KIRREL1: variants seen among roughly 807,000 people sequenced by gnomAD.
KIRREL1 encodes the protein kirre like nephrin family adhesion molecule 1.
KIRREL1 carries 25 observed loss-of-function variants against 83.3 expected under a neutral mutation model. The observed-to-expected ratio is 0.30, with a 90% CI of 0.22 to 0.42. The LOEUF is 0.42. Ranked by LOEUF, KIRREL1 falls within the 10% of genes least tolerant of loss-of-function variation. The probability of loss-of-function intolerance (pLI) is 1.00; values close to 1 mark genes in which losing one functional copy is unlikely to be tolerated. For synonymous variants in KIRREL1, 388 were observed against 410.4 expected, an observed-to-expected ratio of 0.95 and a Z score of 0.66; for missense variants, 812 against 1,032.3, an observed-to-expected ratio of 0.79 and a Z score of 2.92.
chr1:158,076,283 C>T (rs770502338), intron 2 of KIRREL1, 21 bp downstream of exon 2: 10 of 1,611,180 alleles, frequency 6.2e-6, no homozygotes, highest in South Asian at 5.5e-5. Context: ...GGCTACCCAA[C>T]GTCCAAACTG....
intron 1 of KIRREL1, among the ~76,000 whole-genome samples, chr1:158,017,856 G>A: frequency 6.8e-6 from 1 of 146,462 alleles, no homozygotes; most frequent in Non-Finnish European, 1.5e-5. Flanking sequence ...GAAGACAAAA[G>A]ATCCTTCAGA....
In KIRREL1 at chr1:158,089,527, T is replaced by C; in HGVS notation, c.1070T>C (p.Leu357Pro). Residue 357 changes from leucine to proline, a missense_variant, in exon 9 of 15, where the codon CTG becomes CCG. By Grantham distance (98) the Leu-to-Pro change is moderately conservative. Around this residue, in one of 3 missense-constraint regions of KIRREL1, gnomAD observed 472 missense variants for 626.8 expected, o/e 0.75. Coordinates refer to ENST00000359209, the MANE Select transcript of KIRREL1 (RefSeq NM_018240.7). The part of the protein sequence containing the change: ...NMVLSNSNQL[L>P]LKSVTQADAG... ...GTCCTGAGTAACAGCAACCAGCTGC[T>C]GCTGAAGTCGGTGACTCAGGCAGAC... 1 of 1,614,192 alleles carries C rather than the reference T, an allele frequency of 6.2e-7. No individual in the cohort carries two copies. The highest frequency in any genetic ancestry group is 1.1e-5 in the South Asian group (1 of 91,084).
chr1:158,009,021 A>G (rs1428965565), intron 1 of KIRREL1, among the ~76,000 whole-genome samples: 4 of 152,096 alleles, frequency 2.6e-5, no homozygotes, highest in African/African-American at 9.7e-5. Context: ...CATCCCAGAG[A>G]TAAACAGAAA....
intron 1 of KIRREL1, among the ~76,000 whole-genome samples, chr1:157,997,386 T>A (rs1307345198): frequency 6.6e-6 from 1 of 152,186 alleles, no homozygotes; most frequent in Admixed American, 6.5e-5. Flanking sequence ...ATGCTTGCTA[T>A]CTTGGCTTTG....
chr1:158,093,659 A>C lies in KIRREL1; in HGVS notation c.1616A>C (p.Lys539Thr). 1.9e-6 allele frequency: 3 copies of C among 1,614,192 alleles called. No individual in the cohort carries two copies. Among genetic ancestry groups the C allele is most frequent in the Non-Finnish European group, 2.5e-6 (3 of 1,180,028 alleles). The part of the protein sequence containing the change: ...KDVTLRKLDI[K>T]VETVNREPLT... ...GTGACCCTGAGGAAGCTGGATATCA[A>C]GGTGGAGACAGTGAACCGAGAGCCA... is the stretch of plus-strand genomic sequence containing the variant. Residue 539 changes from lysine to threonine, a missense_variant, in exon 13 of 15, where the codon AAG (lysine) becomes ACG (threonine). Transcript: ENST00000359209.
chr1:158,084,405 TCTG>T lies in KIRREL1; in HGVS notation c.353-14_353-12del. 1 of 1,545,270 alleles carries T rather than the reference TCTG, an allele frequency of 6.5e-7. No individual in the cohort carries two copies. The highest frequency in any genetic ancestry group is 8.7e-7 in the Non-Finnish European group (1 of 1,142,950). ...TAGCCACACCCTGCACTGACTTTGCTCTGCTTTCTCCCACAGTCCCCCCAGAGG... is the reference window on the plus strand; with the variant it reads ...TAGCCACACCCTGCACTGACTTTGCTCTTTCTCCCACAGTCCCCCCAGAGG... On this transcript the variant is annotated splice_polypyrimidine_tract_variant and intron_variant, in intron 3 of 14. Transcript: ENST00000359209.
intron 1 of KIRREL1, among the ~76,000 whole-genome samples, chr1:158,043,275 G>T (rs910324044): frequency 6.6e-6 from 1 of 152,120 alleles, no homozygotes; most frequent in Admixed American, 6.5e-5. Context: ...ACTGAAAATG[G>T]TGACATAGGC....
At chr1:158,008,563 A>G (rs1659585125) in intron 1 of KIRREL1, among the ~76,000 whole-genome samples, 1 of 152,120 alleles carries the variant, frequency 6.6e-6, no homozygotes, top group Admixed American at 6.5e-5. Context: ...CCATCACAAC[A>G]GGACCTGGAC....
intron 1 of KIRREL1, among the ~76,000 whole-genome samples, chr1:158,005,607 G>T (rs2101627610): frequency 6.6e-6 from 1 of 151,906 alleles, no homozygotes; most frequent in South Asian, 2.1e-4. Flanking sequence ...GTGGGGGAAA[G>T]AATTTTGACA....
chr1:158,058,565 A>G (rs1192750300), intron 1 of KIRREL1, among the ~76,000 whole-genome samples: 2 of 152,054 alleles, frequency 1.3e-5, no homozygotes, highest in East Asian at 3.9e-4. Context: ...GGTCTCACCC[A>G]GGGTTAGGAA....
intron 1 of KIRREL1, among the ~76,000 whole-genome samples, chr1:158,047,950 C>G (rs976171476): frequency 1.3e-5 from 2 of 152,218 alleles, no homozygotes; most frequent in Non-Finnish European, 2.9e-5. Context: ...AGAATCTGCT[C>G]TGATGAAGCC....
chr1:158,080,498 G>A (rs903718540), intron 3 of KIRREL1, among the ~76,000 whole-genome samples: 1 of 152,202 alleles, frequency 6.6e-6, no homozygotes, highest in African/African-American at 2.4e-5. Flanking sequence ...TTGTTTCGAG[G>A]GCATGGTGGG....
rs1287029942 is a variant in KIRREL1, at chr1:158,093,491, CCAGGGCCATGACAGG to C, written c.1579+49_1579+63del. On this transcript the variant is annotated intron_variant, in intron 12 of 14. Coordinates refer to ENST00000359209, the MANE Select transcript of KIRREL1 (RefSeq NM_018240.7). ...AGCCCACAGCCTTCCCCTGGCTCTTCCAGGGCCATGACAGGCAGTGCTTGGGGTGGATGGGAGGTT... is the reference window on the plus strand; with the variant it reads ...AGCCCACAGCCTTCCCCTGGCTCTTCCAGTGCTTGGGGTGGATGGGAGGTT... 1.9e-6 allele frequency: 3 copies of C among 1,604,798 alleles called. No individual in the cohort carries two copies. The African/African-American group carries it at 4.0e-5, about 21-fold the overall frequency.
intron 3 of KIRREL1, among the ~76,000 whole-genome samples, chr1:158,081,563 G>A (rs1661857559): frequency 6.6e-6 from 1 of 152,190 alleles, no homozygotes; most frequent in African/African-American, 2.4e-5. Flanking sequence ...GGGCACATGA[G>A]TTTGGGGAGG....
intron 1 of KIRREL1, among the ~76,000 whole-genome samples, chr1:158,057,540 G>A (rs912642): frequency 0.88 from 134,352 of 152,140 alleles, 60,411 homozygotes; most frequent in East Asian, 0.96. Context: ...CTTGGGAACT[G>A]TTTCTCCATT....
intron 1 of KIRREL1, among the ~76,000 whole-genome samples, chr1:158,069,474 C>T (rs949744108): frequency 2.0e-4 from 30 of 152,174 alleles, no homozygotes; most frequent in Non-Finnish European, 2.2e-4. Context: ...CACACAGAGA[C>T]TGGCCTAGCT....
At chr1:158,002,450 C>T (rs978248173) in intron 1 of KIRREL1, among the ~76,000 whole-genome samples, 2 of 152,218 alleles carry the variant, frequency 1.3e-5, no homozygotes, top group Non-Finnish European at 2.9e-5. Context: ...TTCTTAAAAC[C>T]TCTGCTAGGA....
At chr1:157,999,146 C>T (rs375033595) in intron 1 of KIRREL1, among the ~76,000 whole-genome samples, 1 of 152,160 alleles carries the variant, frequency 6.6e-6, no homozygotes, top group African/African-American at 2.4e-5. Flanking sequence ...AGCTCAGCCC[C>T]CTTCCCTAGT....
At chr1:158,035,312 G>A (rs1026616728) in intron 1 of KIRREL1, among the ~76,000 whole-genome samples, 2 of 152,222 alleles carry the variant, frequency 1.3e-5, no homozygotes, top group African/African-American at 4.8e-5. Flanking sequence ...GATGCTGTAT[G>A]CTGATGTAAA....
Sources: allele counts gnomAD v4.1 joint callset (sites outside exome capture counted in the v4.1 genomes callset), GRCh38; gene constraint gnomAD v4.1.1; regional missense constraint gnomAD v4.1.1; transcripts MANE v1.5; gene names NCBI Gene and HGNC (gene_info 2026-07-23, HGNC 2026-07-21).